Variants in CCDC180 observed in about 807,000 individuals in gnomAD.
The protein encoded by CCDC180 is coiled-coil domain containing 180, also known as coiled-coil domain-containing protein 180.
CCDC180 carries 154 observed loss-of-function variants against 209.2 expected under a neutral mutation model. The observed-to-expected ratio is 0.74, with a 90% CI of 0.65 to 0.84. CCDC180 has a LOEUF of 0.84. Ranked by LOEUF, CCDC180 falls within the 40% of genes least tolerant of loss-of-function variation. CCDC180 has a pLI of 0.00. For synonymous variants in CCDC180, 778 were observed against 749.1 expected (o/e 1.04, Z -0.63); for missense variants, 1,874 against 1,997.3 (o/e 0.94, Z 1.18).
At chr9:97,312,854 T>A (rs1833034553) in intron 4 of CCDC180, among the ~76,000 whole-genome samples, 1 of 151,990 alleles carries the variant, frequency 6.6e-6, no homozygotes, top group Non-Finnish European at 1.5e-5. Flanking sequence ...TCCTCACATG[T>A]GAAACGAGGC....
At position 97,318,342 on chromosome 9, in the gene CCDC180, G is replaced by T. The variant is rs1833245165; in HGVS notation, c.960-121G>T. 4 of 1,217,784 alleles carry T rather than the reference G, an allele frequency of 3.3e-6. No individual in the cohort carries two copies. In the Admixed American group the frequency reaches 8.4e-5, roughly 25 times the overall value. 75.4% of individuals were successfully genotyped at this position (1,217,784 alleles called of 1,614,324 possible). ...CAAAGTCTGGGGAGGAAGGGGCTGG[G>T]GGTGGTGTTAGGGAAGGAGTGCTGA... is the stretch of plus-strand genomic sequence containing the variant. On this transcript the variant is annotated intron_variant, in intron 9 of 36. Coordinates refer to ENST00000529487, the MANE Select transcript of CCDC180 (RefSeq NM_020893.6).
At chr9:97,367,611 C>T (rs2117949990) in intron 31 of CCDC180, among the ~76,000 whole-genome samples, 2 of 152,170 alleles carry the variant, frequency 1.3e-5, no homozygotes, top group East Asian at 1.9e-4. Context: ...GTAGCTGGGA[C>T]TACAGGCGCA....
Position 97,350,665 on chromosome 9 carries a change from CTT to C in CCDC180, c.3002+111_3002+112del, listed in dbSNP as rs1826398454. The C allele has an allele frequency of 1.6e-5, 18 of 1,141,188 alleles. No individual in the cohort carries two copies. The South Asian group carries it at 2.5e-4, about 16-fold the overall frequency. The allele number at this position is 1,141,188 out of a possible 1,614,324, so 70.7% of individuals were successfully genotyped here. A position where few individuals can be genotyped will look rare whatever the true frequency, so the allele number is the denominator to read the frequency against. ...TTGACAAAATAAACGTAACATCAAACTTAACATCTTAACCATTTTTAGGTGCA... is the reference window on the plus strand; with the variant it reads ...TTGACAAAATAAACGTAACATCAAACAACATCTTAACCATTTTTAGGTGCA... On this transcript the variant is annotated intron_variant, in intron 22 of 36. Transcript: ENST00000529487.
At position 97,318,525 on chromosome 9, in the gene CCDC180, T is replaced by C; in HGVS notation, c.1022T>C (p.Met341Thr). The C allele has an allele frequency of 6.2e-7, 1 of 1,613,802 alleles. No homozygotes were observed. The highest frequency in any genetic ancestry group is 8.5e-7 in the Non-Finnish European group (1 of 1,179,972). ...PPAVTKELEV[M>T]LKTQNVLQQR... ...GCTGTGACGAAGGAGCTAGAGGTCA[T>C]GCTGAAGACCCAGAACGTCCTGCAG... Residue 341 changes from methionine to threonine, a missense_variant, in exon 10 of 37, where the codon ATG becomes ACG. Transcript: ENST00000529487.
In CCDC180 at chr9:97,354,660, G is replaced by GA; in HGVS notation, c.3097dup (p.Ser1033LysfsTer13). ...GGAAGCTGCCCGGATAGAGTTGGTT[G>GA]AAAGTGTCATCATGCTCAACATGGA... On this transcript the variant is annotated frameshift_variant, in exon 23 of 37. Coordinates refer to ENST00000529487, the MANE Select transcript of CCDC180 (RefSeq NM_020893.6). LOFTEE classifies it high-confidence loss of function. 1 of 1,614,236 alleles carries GA rather than the reference G, an allele frequency of 6.2e-7. No individual in the cohort carries two copies. Among genetic ancestry groups the GA allele is most frequent in the Non-Finnish European group, 8.5e-7 (1 of 1,180,052 alleles).
Position 97,361,883 on chromosome 9 carries a change from T to A in CCDC180, c.3641T>A (p.Ile1214Asn). ...PLIEDPAVDV[I>N]RKLLQLPNTK... ...ATTGAGGACCCAGCTGTGGATGTGA[T>A]CAGGAAGCTCCTGCAGTGAGTGGCC... Residue 1214 changes from isoleucine to asparagine, a missense_variant, in exon 27 of 37, where the codon ATC (isoleucine) becomes AAC (asparagine). By Grantham distance (149) the Ile-to-Asn change is moderately radical. Coordinates refer to ENST00000529487, the MANE Select transcript of CCDC180 (RefSeq NM_020893.6). 6.2e-7 allele frequency: 1 copy of A among 1,613,964 alleles called. No homozygotes were observed. The highest frequency in any genetic ancestry group is 1.7e-5 in the Admixed American group (1 of 60,022).
At position 97,350,558 on chromosome 9, in the gene CCDC180, G is replaced by A. The variant is rs1457881125; in HGVS notation, c.3002+3G>A. On this transcript the variant is annotated splice_donor_region_variant and intron_variant, in intron 22 of 36. Coordinates refer to ENST00000529487, the MANE Select transcript of CCDC180 (RefSeq NM_020893.6). ...ATTGAGTTCATCAAACACTGCAGGT[G>A]GGAGCCAGTGTCCAGGGCCTCTTCA... The A allele has an allele frequency of 6.5e-7, 1 of 1,536,218 alleles. No individual in the cohort carries two copies. Among genetic ancestry groups the A allele is most frequent in the Admixed American group, 2.0e-5 (1 of 50,968 alleles).
intron 18 of CCDC180, among the ~76,000 whole-genome samples, chr9:97,341,985 T>C (rs905267273): frequency 1.3e-5 from 2 of 152,218 alleles, no homozygotes; most frequent in Admixed American, 6.5e-5. Flanking sequence ...CTGAGCCAGG[T>C]GCAGGATATA....
At position 97,376,888 on chromosome 9, in the gene CCDC180, T is replaced by C. The variant is rs1177547581; in HGVS notation, c.4968T>C (p.Tyr1656=). Reference sequence around the variant, plus strand: ...CCCTGCACACTATCCAAGGCCTGTATGTGTGACCCTCCGCCCCACCATGAA... The same window carrying C: ...CCCTGCACACTATCCAAGGCCTGTACGTGTGACCCTCCGCCCCACCATGAA... ...KQSLHTIQGL[Y]V The change falls in exon 37 of 37, where the codon TAT becomes TAC. Residue 1656 remains tyrosine, a synonymous_variant. Transcript: ENST00000529487. 1.2e-6 allele frequency: 2 copies of C among 1,611,346 alleles called. No homozygotes were observed. Among genetic ancestry groups the C allele is most frequent in the East Asian group, 4.5e-5 (2 of 44,864 alleles).
At chr9:97,315,393 G>T (rs961280346) in intron 8 of CCDC180, among the ~76,000 whole-genome samples, 1 of 152,090 alleles carries the variant, frequency 6.6e-6, no homozygotes, top group African/African-American at 2.4e-5. Context: ...GCCTCTTCTT[G>T]CCTCTCTTCC....
chr9:97,346,622 T>C (rs1004972583), intron 19 of CCDC180, among the ~76,000 whole-genome samples: 4 of 152,228 alleles, frequency 2.6e-5, no homozygotes, highest in Non-Finnish European at 5.9e-5. Context: ...TAAATACTCT[T>C]GGGGTTTTTT....
At chr9:97,342,580 C>T (rs955777660) in intron 18 of CCDC180, among the ~76,000 whole-genome samples, 2 of 152,214 alleles carry the variant, frequency 1.3e-5, no homozygotes, top group Non-Finnish European at 2.9e-5. Context: ...CACCCAGCCA[C>T]AGCAATGCTT....
At position 97,313,249 on chromosome 9, in the gene CCDC180, A is replaced by G. The variant is rs1435667800; in HGVS notation, c.363A>G (p.Ile121Met). Residue 121 changes from isoleucine (I) to methionine (M), a missense_variant, in exon 5 of 37, where the codon ATA becomes ATG. Ile to Met is a conservative substitution (Grantham distance 10). Transcript: ENST00000529487. ...GTTGCTCCGCAGTTCCTGAGAAGATAAGCACCAGCACCTTTCAAAGGCAAG... is the reference window on the plus strand; with the variant it reads ...GTTGCTCCGCAGTTCCTGAGAAGATGAGCACCAGCACCTTTCAAAGGCAAG... ...GLMDTIVPEK[I>M]STSTFQRQAE... 1 of 1,610,410 alleles carries G rather than the reference A, an allele frequency of 6.2e-7. No individual in the cohort carries two copies. Among genetic ancestry groups the G allele is most frequent in the Non-Finnish European group, 8.5e-7 (1 of 1,177,582 alleles).
chr9:97,317,280 AG>A, intron 9 of CCDC180, 52 bp downstream of exon 9: 1 of 1,447,560 alleles, frequency 6.9e-7, no homozygotes, highest in Non-Finnish European at 9.2e-7. Flanking sequence ...GGGCTGGCAA[AG>A]GGTAGGGGCG....
At chr9:97,347,658 C>A in intron 20 of CCDC180, 169 bp downstream of exon 20, 3 of 608,396 alleles carry the variant, frequency 4.9e-6, no homozygotes, top group Non-Finnish European at 8.1e-6. Context: ...CTGAGGCTTG[C>A]AGAAAAAGGT....
intron 16 of CCDC180, 124 bp from the exon 17 acceptor site, chr9:97,330,030 T>G: frequency 2.5e-6 from 2 of 786,394 alleles, no homozygotes; most frequent in Non-Finnish European, 4.1e-6. Context: ...ACCGCGCCAC[T>G]GCACTCCAGC....
chr9:97,318,600 G>A lies in CCDC180; in HGVS notation c.1079+18G>A, dbSNP rs762780949. ...ACCATCTGGTATGGGCAGGAGGGGCGGCCCAGGAGGGGTGCTTCTTGGGGT... is the reference window on the plus strand; with the variant it reads ...ACCATCTGGTATGGGCAGGAGGGGCAGCCCAGGAGGGGTGCTTCTTGGGGT... On this transcript the variant is annotated intron_variant, in intron 10 of 36. Transcript: ENST00000529487. The A allele has an allele frequency of 7.5e-5, 120 of 1,609,178 alleles. No homozygotes were observed. The highest frequency in any genetic ancestry group is 5.2e-4 in the South Asian group (47 of 90,994).
At chr9:97,332,329 C>A (rs1299060780) in intron 18 of CCDC180, among the ~76,000 whole-genome samples, 1 of 152,124 alleles carries the variant, frequency 6.6e-6, no homozygotes, top group Non-Finnish European at 1.5e-5. Flanking sequence ...GCTCTTTTTA[C>A]TTAGGATTGC....
chr9:97,344,037 C>T (rs1002657897), intron 19 of CCDC180, among the ~76,000 whole-genome samples: 7 of 152,262 alleles, frequency 4.6e-5, no homozygotes, highest in Non-Finnish European at 1.0e-4. Flanking sequence ...GAAGACATGA[C>T]CAAAAGATAC....
Sources: allele counts gnomAD v4.1 joint callset (sites outside exome capture counted in the v4.1 genomes callset), GRCh38; gene constraint gnomAD v4.1.1; transcripts MANE v1.5; gene names NCBI Gene and HGNC (gene_info 2026-07-23, HGNC 2026-07-21).